Variants in USP9X observed in about 807,000 individuals in gnomAD.
USP9X encodes ubiquitin specific peptidase 9 X-linked.
USP9X carries 7 observed loss-of-function variants against 190.3 expected under a neutral mutation model. The ratio of observed to expected loss-of-function variants is 0.04; its 90% CI spans 0.02 to 0.07. The LOEUF is 0.07. Ranked by LOEUF, USP9X falls within the 10% of genes least tolerant of loss-of-function variation. The pLI, the probability that USP9X is intolerant of heterozygous loss-of-function variation, is 1.00. For synonymous variants in USP9X, 645 were observed against 659.5 expected, an observed-to-expected ratio of 0.98 and a Z score of 0.34; for missense variants, 1,010 against 1,916.9, an observed-to-expected ratio of 0.53 and a Z score of 8.83.
intron 4 of USP9X, among the ~76,000 whole-genome samples, chrX:41,132,510 G>T (rs749608700): frequency 9.1e-6 from 1 of 110,477 alleles, no homozygotes; most frequent in East Asian, 2.8e-4. Flanking sequence ...CACCATGTTG[G>T]CCAGGCTAGT....
At chrX:41,219,361 T>C (rs770700781) in intron 38 of USP9X, 130 bp downstream of exon 38, 2 of 666,172 alleles carry the variant, frequency 3.0e-6, no homozygotes, top group Non-Finnish European at 4.3e-6. Context: ...GTTGTGAATT[T>C]TATCTGAACA....
At chrX:41,178,586 T>A (rs1878682180) in intron 21 of USP9X, among the ~76,000 whole-genome samples, 1 of 112,229 alleles carries the variant, frequency 8.9e-6, no homozygotes, top group Admixed American at 9.5e-5. Flanking sequence ...TTTTTGCTGT[T>A]GAGTTCCTTA....
At position 41,186,526 on chromosome X, in the gene USP9X, G is replaced by A. The variant is rs2062876876; in HGVS notation, c.3568G>A (p.Val1190Ile). ...GVNPMTQINQ[V>I]THDQAVVLQS... ...GGTTAACTTTTTTCAGATCAACCAA[G>A]TTACCCATGATCAAGCAGTGGTGCT... Residue 1190 changes from valine to isoleucine, a missense_variant, in exon 24 of 45, where the codon GTT becomes ATT. Coordinates refer to ENST00000378308, the MANE Select transcript of USP9X (RefSeq NM_001039591.3). 8.3e-7 allele frequency: 1 copy of A among 1,211,326 alleles called. No homozygotes were observed. Among genetic ancestry groups the A allele is most frequent in the Non-Finnish European group, 1.1e-6 (1 of 895,221 alleles).
In USP9X at chrX:41,224,780, T is replaced by G. The variant is rs1253424136; in HGVS notation, c.6790T>G (p.Leu2264Val). 14 of 1,211,673 alleles carry G rather than the reference T, an allele frequency of 1.2e-5. No individual in the cohort carries two copies. The highest frequency in any genetic ancestry group is 1.6e-5 in the Non-Finnish European group (14 of 895,297). ...PLPNPFGDPN[L>V]SQPIMPIQQN... is the part of the protein sequence containing the mutation. ...TCCCAATCCTTTTGGTGATCCTAAT[T>G]TATCACAACCTATAATGCCAATTCA... Residue 2264 changes from leucine (L) to valine (V), a missense_variant, in exon 40 of 45, where the codon TTA (leucine) becomes GTA (valine). By Grantham distance (32) the Leu-to-Val change is conservative. Coordinates refer to ENST00000378308, the MANE Select transcript of USP9X (RefSeq NM_001039591.3).
At chrX:41,223,594 C>T (rs28394069) in intron 39 of USP9X, among the ~76,000 whole-genome samples, 192 bp downstream of exon 39, 1 of 110,990 alleles carries the variant, frequency 9.0e-6, no homozygotes, top group East Asian at 2.8e-4. Flanking sequence ...CCCACCACCA[C>T]GCCCGGCTAA....
At chrX:41,175,135 G>A (rs1045896717) in intron 21 of USP9X, among the ~76,000 whole-genome samples, 5 of 111,968 alleles carry the variant, frequency 4.5e-5, no homozygotes, top group African/African-American at 1.3e-4. Context: ...AAATGATCTC[G>A]TTTGGCCAGT....
chrX:41,141,474 A>T (rs1247321040), intron 9 of USP9X, 43 bp downstream of exon 9: 1 of 1,090,546 alleles, frequency 9.2e-7, no homozygotes, highest in African/African-American at 1.9e-5. Context: ...GAATCTACTT[A>T]AGACAAGAAA....
intron 35 of USP9X, 123 bp from the exon 36 acceptor site, chrX:41,217,097 A>G (rs2147247979): frequency 3.9e-6 from 3 of 767,309 alleles, no homozygotes; most frequent in Non-Finnish European, 5.4e-6. Context: ...GGTCTAAATT[A>G]AAGTAGCCTG....
intron 1 of USP9X, among the ~76,000 whole-genome samples, chrX:41,106,719 T>C (rs1242552457): frequency 1.9e-5 from 2 of 106,991 alleles, no homozygotes; most frequent in African/African-American, 6.8e-5. Flanking sequence ...TTAGTAGAGA[T>C]GGGGTTTTGC....
chrX:41,158,120 CAG>C, intron 14 of USP9X, among the ~76,000 whole-genome samples: 1 of 110,773 alleles, frequency 9.0e-6, no homozygotes. Context: ...AACAGAATCT[CAG>C]GGAAATATTG....
chrX:41,109,052 G>A (rs2062090166), intron 1 of USP9X, among the ~76,000 whole-genome samples: 2 of 111,451 alleles, frequency 1.8e-5, no homozygotes, highest in African/African-American at 3.3e-5. Flanking sequence ...GTTCTTGGCC[G>A]TTCTCACCTG....
chrX:41,119,723 G>A (rs1362659310), intron 1 of USP9X, among the ~76,000 whole-genome samples: 1 of 112,652 alleles, frequency 8.9e-6, no homozygotes, highest in African/African-American at 3.2e-5. Flanking sequence ...CCAGCTACTC[G>A]GGAGGCTGAG....
At chrX:41,098,792 G>A (rs1308695873) in intron 1 of USP9X, among the ~76,000 whole-genome samples, 1 of 108,635 alleles carries the variant, frequency 9.2e-6, no homozygotes, top group Non-Finnish European at 1.9e-5. Flanking sequence ...CTGACTGCCT[G>A]CCTCAGCCTC....
At chrX:41,176,989 G>A (rs1261031827) in intron 21 of USP9X, among the ~76,000 whole-genome samples, 1 of 111,834 alleles carries the variant, frequency 8.9e-6, no homozygotes, top group African/African-American at 3.3e-5. Context: ...TGTTTACAAA[G>A]AATACAGTTG....
intron 4 of USP9X, among the ~76,000 whole-genome samples, chrX:41,132,295 A>ATTT (rs11356870): frequency 2.5e-3 from 139 of 54,540 alleles, no homozygotes; most frequent in African/African-American, 3.3e-3. Flanking sequence ...ATGCCCACTA[A>ATTT]TTTTTTTTTT....
At chrX:41,150,164 CAA>C (rs911926332) in intron 12 of USP9X, among the ~76,000 whole-genome samples, 4 of 105,264 alleles carry the variant, frequency 3.8e-5, no homozygotes, top group Non-Finnish European at 7.8e-5. Flanking sequence ...AAAAAAAAAA[CAA>C]AAAACTCCAC....
At position 41,192,454 on chromosome X, in the gene USP9X, GTTGT is replaced by G. The variant is rs2062945455; in HGVS notation, c.3977+2982_3977+2985del. On this transcript the variant is annotated intron_variant, in intron 26 of 44. Coordinates refer to ENST00000378308, the MANE Select transcript of USP9X (RefSeq NM_001039591.3). The stretch of plus-strand genomic sequence containing the variant: ...TTTTTTTCTGCTGTTTCCACAGCCT[GTTGT>G]TTTATTCCCTGCCTAGTTAACTCAC... Among the ~76,000 whole-genome samples the G allele has an allele frequency of 5.4e-5, 6 of 111,985 alleles. No individual in the cohort carries two copies. The Admixed American group carries it at 5.7e-4, about 11-fold the overall frequency.
At chrX:41,199,314 A>C (rs1346376894) in intron 30 of USP9X, among the ~76,000 whole-genome samples, 1 of 113,201 alleles carries the variant, frequency 8.8e-6, no homozygotes, top group East Asian at 2.8e-4. Context: ...TTGGCAAGAT[A>C]AATTTCATCT....
intron 21 of USP9X, among the ~76,000 whole-genome samples, chrX:41,177,717 AT>A (rs2062787631): frequency 8.9e-6 from 1 of 111,800 alleles, no homozygotes; most frequent in African/African-American, 3.3e-5. Context: ...TTTTGTTTTA[AT>A]TTTGTCATCC....
Sources: allele counts gnomAD v4.1 joint callset (sites outside exome capture counted in the v4.1 genomes callset), GRCh38; gene constraint gnomAD v4.1.1; transcripts MANE v1.5; gene names NCBI Gene and HGNC (gene_info 2026-07-23, HGNC 2026-07-21).